Variants in PGAP4 observed in about 807,000 individuals in gnomAD.
The protein encoded by PGAP4 is GPI-N-acetylgalactosamine transferase PGAP4.
A neutral mutation model predicts 28.2 loss-of-function variants in PGAP4; 12 were observed. The ratio of observed to expected loss-of-function variants is 0.42; its 90% CI spans 0.27 to 0.69. The LOEUF is 0.69. PGAP4 is among the 30% of genes least tolerant of loss of function. The probability of loss-of-function intolerance (pLI) is 0.22; values close to 1 mark genes in which losing one functional copy is unlikely to be tolerated. For missense variants in PGAP4, 425 were observed against 513.5 expected (o/e 0.83, Z 1.67); for synonymous variants, 205 against 211.8 (o/e 0.97, Z 0.28).
intron 2 of PGAP4, among the ~76,000 whole-genome samples, chr9:101,520,055 A>T (rs965356865): frequency 3.0e-4 from 45 of 152,052 alleles, no homozygotes; most frequent in Admixed American, 1.3e-4. Flanking sequence ...TGGATTCTTT[A>T]TTCTGTTCCA....
At chr9:101,477,888 GA>G (rs772286969) in intron 1 of PGAP4, among the ~76,000 whole-genome samples, 11 of 151,930 alleles carry the variant, frequency 7.2e-5, no homozygotes, top group Non-Finnish European at 1.3e-4. Context: ...ACATCTGGAG[GA>G]AGATCCATGA....
rs544632896 is a variant in PGAP4 at position 101,520,750 on chromosome 9, C to A, written c.-165+10598G>T. ...ATTTCTCTGGCTAGGACTTCCAGTA[C>A]TATGTTGAAGAGGAGTGGTGAGAGT... On this transcript the variant is annotated intron_variant, in intron 2 of 3. Transcript: ENST00000374851. Among the ~76,000 whole-genome samples, 6 of 152,272 alleles carry A rather than the reference C, an allele frequency of 3.9e-5. No homozygotes were observed. The South Asian group carries it at 1.0e-3, about 26-fold the overall frequency.
intron 2 of PGAP4, among the ~76,000 whole-genome samples, chr9:101,524,562 C>A (rs975671258): frequency 4.6e-5 from 7 of 152,204 alleles, no homozygotes; most frequent in Non-Finnish European, 1.0e-4. Flanking sequence ...GTTTTAGCCC[C>A]TGCTCCTCTG....
chr9:101,494,077 A>G (rs1215610256), intron 2 of PGAP4, among the ~76,000 whole-genome samples: 2 of 152,042 alleles, frequency 1.3e-5, no homozygotes, highest in East Asian at 3.8e-4. Context: ...AACAAAGGCC[A>G]ACTTTAGATT....
intron 2 of PGAP4, among the ~76,000 whole-genome samples, chr9:101,520,073 A>G (rs561286799): frequency 3.9e-5 from 6 of 152,166 alleles, no homozygotes; most frequent in Admixed American, 6.5e-5. Context: ...CCACTGGTCT[A>G]TGTGCCTATT....
intron 2 of PGAP4, among the ~76,000 whole-genome samples, chr9:101,507,830 T>C (rs1482722344): frequency 6.6e-6 from 1 of 152,152 alleles, no homozygotes; most frequent in Non-Finnish European, 1.5e-5. Flanking sequence ...AAACTGGTTG[T>C]AGCTTCTGGA....
intron 1 of PGAP4, among the ~76,000 whole-genome samples, chr9:101,481,029 T>C (rs1826470591): frequency 1.3e-5 from 2 of 151,944 alleles, no homozygotes; most frequent in Non-Finnish European, 2.9e-5. Flanking sequence ...ATACAAAAAT[T>C]AGCCAGGCAT....
chr9:101,518,267 C>A (rs1826957965), intron 2 of PGAP4, among the ~76,000 whole-genome samples: 1 of 152,062 alleles, frequency 6.6e-6, no homozygotes, highest in Non-Finnish European at 1.5e-5. Flanking sequence ...AGCACATTTT[C>A]TTTATCCAGT....
chr9:101,512,757 T>A (rs1826908390), intron 2 of PGAP4, among the ~76,000 whole-genome samples: 1 of 152,156 alleles, frequency 6.6e-6, no homozygotes. Context: ...GACAATAGCT[T>A]TCATCAATGT....
In PGAP4 at chr9:101,473,591, A is replaced by G. The variant is rs1826214579; in HGVS notation, c.*2290T>C. 6.6e-6 allele frequency: 1 copy of G among 152,266 alleles called. No homozygotes were observed. Among genetic ancestry groups the G allele is most frequent in the African/African-American group, 2.4e-5 (1 of 41,466 alleles). The allele number at this position is 152,266 out of a possible 1,614,324, so 9.4% of individuals were successfully genotyped here. On this transcript the variant is annotated 3_prime_UTR_variant, in exon 2 of 2. Coordinates refer to ENST00000374848, the MANE Select transcript of PGAP4 (RefSeq NM_032342.3). The stretch of plus-strand genomic sequence containing the variant: ...AAAAGGCATGTTAGTGTGTAGGTAG[A>G]GAAACTGGACAAGGAAGGATGGCCT...
At chr9:101,529,267 T>C (rs1006399399) in intron 2 of PGAP4, among the ~76,000 whole-genome samples, 3 of 151,662 alleles carry the variant, frequency 2.0e-5, no homozygotes, top group Non-Finnish European at 4.4e-5. Context: ...GTGATTCTCC[T>C]GCCTCAGCCT....
At chr9:101,512,798 A>C (rs1826908543) in intron 2 of PGAP4, among the ~76,000 whole-genome samples, 1 of 152,152 alleles carries the variant, frequency 6.6e-6, no homozygotes, top group Non-Finnish European at 1.5e-5. Context: ...CCGTGGATTT[A>C]AGGGGGAAAT....
chr9:101,514,866 G>A (rs1448677053), intron 2 of PGAP4, among the ~76,000 whole-genome samples: 1 of 152,052 alleles, frequency 6.6e-6, no homozygotes, highest in Admixed American at 6.6e-5. Context: ...ATACTGATGT[G>A]GTATGTATAT....
intron 2 of PGAP4, among the ~76,000 whole-genome samples, chr9:101,522,949 G>T (rs933096798): frequency 1.3e-5 from 2 of 152,126 alleles, no homozygotes; most frequent in East Asian, 3.9e-4. Context: ...GCATTTGTTT[G>T]TCTGAAAAAG....
At chr9:101,495,117 C>G (rs1225908195) in intron 2 of PGAP4, among the ~76,000 whole-genome samples, 2 of 123,352 alleles carry the variant, frequency 1.6e-5, no homozygotes, top group Non-Finnish European at 3.3e-5. Flanking sequence ...TATCAAGTGC[C>G]TAATTATTTA....
chr9:101,528,847 T>G (rs1369271534), intron 2 of PGAP4, among the ~76,000 whole-genome samples: 1 of 151,344 alleles, frequency 6.6e-6, no homozygotes. Flanking sequence ...GTTACATAGG[T>G]AATTTTGTCA....
At position 101,483,967 on chromosome 9, in the gene PGAP4, G is replaced by A. The variant is rs182518281; in HGVS notation, c.-78+2982C>T. On this transcript the variant is annotated intron_variant, in intron 1 of 1. Coordinates refer to ENST00000374848, the MANE Select transcript of PGAP4 (RefSeq NM_032342.3). ...AACATCTGAATTTAATTTACTTCGA[G>A]GGAGTGTCACAGTTCAACAACTAGG... Among the ~76,000 whole-genome samples the A allele has an allele frequency of 4.2e-4, 64 of 152,278 alleles. 1 individual carries two copies. Among genetic ancestry groups the A allele is most frequent in the Non-Finnish European group, 8.5e-4 (58 of 68,032 alleles).
chr9:101,524,757 T>C (rs1827019520), intron 2 of PGAP4, among the ~76,000 whole-genome samples: 1 of 152,226 alleles, frequency 6.6e-6, no homozygotes, highest in African/African-American at 2.4e-5. Context: ...AGTGAGGGTA[T>C]GTGTTCAGGA....
At chr9:101,477,398 G>T (rs778396608) in intron 1 of PGAP4, among the ~76,000 whole-genome samples, 7 of 151,944 alleles carry the variant, frequency 4.6e-5, no homozygotes, top group African/African-American at 1.5e-4. Flanking sequence ...TGAGTAATAC[G>T]ATCTCGGTGC....
Sources: allele counts gnomAD v4.1 joint callset (sites outside exome capture counted in the v4.1 genomes callset), GRCh38; gene constraint gnomAD v4.1.1; transcripts MANE v1.5; gene names NCBI Gene and HGNC (gene_info 2026-07-23, HGNC 2026-07-21).